CDH13: variants seen among roughly 807,000 people sequenced by gnomAD.
CDH13 encodes the protein cadherin 13.
Under a neutral mutation model 63.8 loss-of-function variants are expected in CDH13, and 24 were observed. The ratio of observed to expected loss-of-function variants is 0.38; its 90% confidence interval spans 0.27 to 0.53. The LOEUF (loss-of-function observed/expected upper bound fraction) is 0.53. Among genes scored for constraint, CDH13 ranks in the 20% least tolerant of loss-of-function variants. The pLI is 0.85. For synonymous variants in CDH13, 503 were observed against 355.3 expected (o/e 1.42, Z -4.67); for missense variants, 1,049 against 903.1 (o/e 1.16, Z -2.07).
At chr16:82,969,386 G>T (rs1457260951) in intron 2 of CDH13, among the ~76,000 whole-genome samples, 11 of 151,646 alleles carry the variant, frequency 7.3e-5, no homozygotes, top group Admixed American at 6.6e-4. Flanking sequence ...ATAATTTCCT[G>T]ACCCCTGATC....
chr16:83,211,639 C>T (rs867207736), intron 4 of CDH13, among the ~76,000 whole-genome samples: 1 of 152,146 alleles, frequency 6.6e-6, no homozygotes, highest in Non-Finnish European at 1.5e-5. Flanking sequence ...CTGTAAAAGG[C>T]ATACCGTGAG....
intron 7 of CDH13, among the ~76,000 whole-genome samples, chr16:83,575,023 C>CA (rs1312204456): frequency 6.6e-6 from 1 of 152,030 alleles, no homozygotes; most frequent in East Asian, 1.9e-4. Context: ...AATTCATAAA[C>CA]AAAATGGGCC....
chr16:83,644,476 A>G (rs1911604067), intron 8 of CDH13, among the ~76,000 whole-genome samples: 1 of 152,266 alleles, frequency 6.6e-6, no homozygotes, highest in Admixed American at 6.5e-5. Flanking sequence ...TTTGTAGGAT[A>G]AACTCCCAAA....
At chr16:83,141,314 C>T (rs956922995) in intron 4 of CDH13, among the ~76,000 whole-genome samples, 1 of 152,144 alleles carries the variant, frequency 6.6e-6, no homozygotes, top group African/African-American at 2.4e-5. Flanking sequence ...GTATTCTGAG[C>T]CTTCATTGTC....
intron 6 of CDH13, among the ~76,000 whole-genome samples, chr16:83,403,111 G>A (rs929343821): frequency 1.2e-4 from 18 of 152,228 alleles, no homozygotes; most frequent in African/African-American, 3.9e-4. Context: ...AGCTCATGGC[G>A]CAGGTTAGCC....
At chr16:83,401,080 C>T (rs1051085691) in intron 6 of CDH13, among the ~76,000 whole-genome samples, 1 of 152,108 alleles carries the variant, frequency 6.6e-6, no homozygotes, top group African/African-American at 2.4e-5. Context: ...GTGGCTCACA[C>T]CTATAATCCC....
At chr16:82,675,970 C>T (rs1022310850) in intron 1 of CDH13, among the ~76,000 whole-genome samples, 2 of 152,202 alleles carry the variant, frequency 1.3e-5, no homozygotes, top group African/African-American at 4.8e-5. Flanking sequence ...ACCTGCTTCC[C>T]TGGAGGGTAT....
At chr16:83,654,242 A>G (rs1019964804) in intron 8 of CDH13, among the ~76,000 whole-genome samples, 1 of 151,890 alleles carries the variant, frequency 6.6e-6, no homozygotes, top group Non-Finnish European at 1.5e-5. Flanking sequence ...GCAATTAAAA[A>G]TGGCAAAAAA....
At chr16:83,373,662 A>T (rs1396203940) in intron 6 of CDH13, among the ~76,000 whole-genome samples, 12 of 152,206 alleles carry the variant, frequency 7.9e-5, no homozygotes, top group Non-Finnish European at 1.0e-4. Context: ...TTTGTGGATT[A>T]AAGATATAAC....
intron 1 of CDH13, among the ~76,000 whole-genome samples, chr16:82,657,277 T>C (rs76285925): frequency 6.6e-6 from 1 of 152,312 alleles, no homozygotes; most frequent in Non-Finnish European, 1.5e-5. Flanking sequence ...TATGACAATA[T>C]GTTGTAATAA....
At position 82,761,017 on chromosome 16, in the gene CDH13, C is replaced by CTTTTTTTTTTTTTTTTTTTTTTTT. The variant is rs35038319; in HGVS notation, c.46-97339_46-97316dup. Among the ~76,000 whole-genome samples the CTTTTTTTTTTTTTTTTTTTTTTTT allele has an allele frequency of 1.4e-3, 57 of 40,482 alleles. 13 individuals carry two copies. The highest frequency in any genetic ancestry group is 2.9e-3 in the South Asian group (2 of 678). 26.6% of individuals were successfully genotyped at this position (40,482 alleles called of 152,430 possible). A position where few individuals can be genotyped will look rare whatever the true frequency, so the allele number is the denominator to read the frequency against. ...CTCTGGGGTTCACATTTCTTTCTTT[C>CTTTTTTTTTTTTTTTTTTTTTTTT]TTTTTTTTTTTTTTTTTTTTTTTTT... is the stretch of plus-strand genomic sequence containing the variant. On this transcript the variant is annotated intron_variant, in intron 1 of 13. Coordinates refer to ENST00000567109, the MANE Select transcript of CDH13 (RefSeq NM_001257.5).
chr16:83,732,680 C>G (rs903206927), intron 10 of CDH13, among the ~76,000 whole-genome samples: 4 of 152,160 alleles, frequency 2.6e-5, no homozygotes, highest in Non-Finnish European at 5.9e-5. Flanking sequence ...CATCCTCATA[C>G]AGAGGGAGGC....
At chr16:82,899,270 A>G (rs1004708284) in intron 2 of CDH13, among the ~76,000 whole-genome samples, 1 of 152,220 alleles carries the variant, frequency 6.6e-6, no homozygotes, top group African/African-American at 2.4e-5. Context: ...GAGTATGTGT[A>G]ATGCATCTAC....
chr16:83,252,801 C>A (rs779205902), intron 5 of CDH13, among the ~76,000 whole-genome samples: 1 of 152,044 alleles, frequency 6.6e-6, no homozygotes, highest in South Asian at 2.1e-4. Context: ...CTGCCCCCCA[C>A]CCCAATAAGG....
intron 3 of CDH13, among the ~76,000 whole-genome samples, chr16:83,040,013 C>G (rs1257734238): frequency 1.3e-5 from 2 of 151,700 alleles, no homozygotes; most frequent in Non-Finnish European, 2.9e-5. Context: ...TAGTACTAAA[C>G]AAAACAGTCT....
At chr16:83,145,510 T>C (rs2036710679) in intron 4 of CDH13, among the ~76,000 whole-genome samples, 1 of 152,244 alleles carries the variant, frequency 6.6e-6, no homozygotes, top group South Asian at 2.1e-4. Flanking sequence ...TTACACTGGC[T>C]TAATTGTTCA....
chr16:83,474,569 G>T (rs1200226727), intron 6 of CDH13, among the ~76,000 whole-genome samples: 1 of 152,146 alleles, frequency 6.6e-6, no homozygotes, highest in African/African-American at 2.4e-5. Flanking sequence ...CCCACATCTG[G>T]TGGGTCCCAC....
At chr16:82,646,467 T>G (rs1423628644) in intron 1 of CDH13, 1 of 152,290 alleles carries the variant, frequency 6.6e-6, no homozygotes, top group Non-Finnish European at 1.5e-5. Flanking sequence ...GTGCTAGGAT[T>G]ACAGACATGA....
chr16:83,322,743 A>T (rs2090258061), intron 5 of CDH13, among the ~76,000 whole-genome samples: 1 of 152,036 alleles, frequency 6.6e-6, no homozygotes, highest in African/African-American at 2.4e-5. Context: ...TTAAAGATTC[A>T]TCCGGTCTAT....
Sources: gnomAD v4.1 joint callset for allele counts (sites outside exome capture counted in the v4.1 genomes callset) on GRCh38, gnomAD v4.1.1 for gene constraint, MANE v1.5 for transcripts, NCBI Gene and HGNC (gene_info 2026-07-23, HGNC 2026-07-21) for gene names.